The following GNA12 variants were observed in gnomAD, a reference collection of about 807,000 sequenced individuals.
GNA12 encodes the protein guanine nucleotide-binding protein subunit alpha-12.
In GNA12, 9 loss-of-function variants were observed where a neutral mutation model predicts 26.0. That is an observed-to-expected ratio of 0.35 (90% confidence interval 0.21 to 0.60). GNA12 has a LOEUF of 0.60. Among genes scored for constraint, GNA12 ranks in the 20% least tolerant of loss-of-function variants. GNA12 has a pLI of 0.78. For synonymous variants in GNA12, 264 were observed against 219.6 expected, an observed-to-expected ratio of 1.20 and a Z score of -1.79; for missense variants, 405 against 525.8, an observed-to-expected ratio of 0.77 and a Z score of 2.25.
intron 2 of GNA12, among the ~76,000 whole-genome samples, chr7:2,738,218 A>G (rs924928288): frequency 4.6e-5 from 7 of 152,046 alleles, no homozygotes; most frequent in African/African-American, 1.7e-4. Flanking sequence ...AGTTCGAGAC[A>G]AGCCTGGCCA....
chr7:2,831,270 T>C (rs1163945913), intron 1 of GNA12, among the ~76,000 whole-genome samples: 4 of 152,078 alleles, frequency 2.6e-5, no homozygotes, highest in Non-Finnish European at 5.9e-5. Context: ...CCAGGGAGTT[T>C]TGCCTCCTGG....
At chr7:2,795,230 C>T in intron 1 of GNA12, 87 bp from the exon 2 acceptor site, 1 of 981,306 alleles carries the variant, frequency 1.0e-6, no homozygotes, top group Non-Finnish European at 1.6e-6. Context: ...CATCCATTGT[C>T]ATAACGCAGA....
intron 2 of GNA12, among the ~76,000 whole-genome samples, chr7:2,738,147 G>A (rs993034990): frequency 6.6e-6 from 1 of 152,144 alleles, no homozygotes; most frequent in Non-Finnish European, 1.5e-5. Flanking sequence ...AGAGGACCAG[G>A]CGTGGTGGCT....
At chr7:2,758,592 T>C (rs1484344232) in intron 2 of GNA12, among the ~76,000 whole-genome samples, 1 of 152,086 alleles carries the variant, frequency 6.6e-6, no homozygotes, top group African/African-American at 2.4e-5. Flanking sequence ...GGGCCTGATC[T>C]AATCAGGGGA....
chr7:2,735,789 G>A (rs1007141680), intron 2 of GNA12, among the ~76,000 whole-genome samples: 2 of 152,154 alleles, frequency 1.3e-5, no homozygotes, highest in African/African-American at 4.8e-5. Flanking sequence ...TTCATGTCAG[G>A]GCGGCCTCAT....
rs111906080 is a variant in GNA12 at position 2,804,811 on chromosome 7, C to A, written c.310-9668G>T. 6.8e-3 allele frequency among the ~76,000 whole-genome samples: 1,039 copies of A among 151,930 alleles called. 12 individuals are homozygous for A. The highest frequency in any genetic ancestry group is 0.024 in the African/African-American group (975 of 41,410). On this transcript the variant is annotated intron_variant, in intron 1 of 3. Coordinates refer to ENST00000275364, the MANE Select transcript of GNA12 (RefSeq NM_007353.3). ...TGATGGCTTAAGCCTGTAATCCTAG[C>A]GCTTTGGGAAGCCGAGGCGGGAGGA...
intron 2 of GNA12, among the ~76,000 whole-genome samples, chr7:2,792,229 C>A (rs1792538549): frequency 6.6e-6 from 1 of 152,172 alleles, no homozygotes; most frequent in African/African-American, 2.4e-5. Context: ...TCCATGAATG[C>A]AGAATGAATG....
intron 2 of GNA12, among the ~76,000 whole-genome samples, chr7:2,794,479 A>C (rs1792600896): frequency 6.6e-6 from 1 of 152,212 alleles, no homozygotes; most frequent in African/African-American, 2.4e-5. Flanking sequence ...TTTAGACCTT[A>C]AAACGAAAGG....
chr7:2,739,844 G>T (rs1790409786), intron 2 of GNA12, among the ~76,000 whole-genome samples: 2 of 152,146 alleles, frequency 1.3e-5, no homozygotes, highest in Non-Finnish European at 2.9e-5. Flanking sequence ...GCTAATTTTT[G>T]TATTTTTAGT....
chr7:2,820,921 G>A (rs1793334965), intron 1 of GNA12, among the ~76,000 whole-genome samples: 1 of 152,176 alleles, frequency 6.6e-6, no homozygotes, highest in Non-Finnish European at 1.5e-5. Flanking sequence ...AAAAATTTCT[G>A]ATAGAGATGG....
At chr7:2,796,095 ACCTCAGCTGATCCGCCCG>A (rs146948049) in intron 1 of GNA12, among the ~76,000 whole-genome samples, 3,867 of 151,824 alleles carry the variant, frequency 0.025, 180 homozygotes, top group African/African-American at 0.089. Flanking sequence ...CGAACTCCTG[ACCTCAGCTGATCCGCCCG>A]CCTCAGCCTC....
chr7:2,816,038 G>A (rs1474997317), intron 1 of GNA12, among the ~76,000 whole-genome samples: 1 of 152,238 alleles, frequency 6.6e-6, no homozygotes, highest in Non-Finnish European at 1.5e-5. Context: ...ATCCCGGAGA[G>A]ACCCTGGCCG....
chr7:2,822,408 A>G (rs1253451242), intron 1 of GNA12, among the ~76,000 whole-genome samples: 2 of 152,214 alleles, frequency 1.3e-5, no homozygotes, highest in African/African-American at 4.8e-5. Flanking sequence ...AACCTCCCCA[A>G]TCTAAGACAT....
rs1046901949 is a variant in GNA12 at position 2,728,597 on chromosome 7, T to C, written c.*2584A>G. 4.6e-5 allele frequency: 7 copies of C among 152,618 alleles called. No homozygotes were observed. The highest frequency in any genetic ancestry group is 1.9e-4 in the East Asian group (1 of 5,340). The allele number at this position is 152,618 out of a possible 1,614,324, so 9.5% of individuals were successfully genotyped here. A position where few individuals can be genotyped will look rare whatever the true frequency, so the allele number is the denominator to read the frequency against. ...CTTTATTGTTACATTTTTGCAATAA[T>C]TGAGGCACAACTACCTCCTGCTTTT... On this transcript the variant is annotated 3_prime_UTR_variant, in exon 4 of 4. Transcript: ENST00000275364.
At chr7:2,804,071 G>A (rs781177776) in intron 1 of GNA12, among the ~76,000 whole-genome samples, 1 of 152,152 alleles carries the variant, frequency 6.6e-6, no homozygotes, top group Non-Finnish European at 1.5e-5. Context: ...ACTAGTACAA[G>A]GGGGAACGAA....
At chr7:2,792,145 G>C (rs964665427) in intron 2 of GNA12, among the ~76,000 whole-genome samples, 3 of 152,200 alleles carry the variant, frequency 2.0e-5, no homozygotes, top group South Asian at 4.1e-4. Context: ...TCACTCGCTG[G>C]AGACAGGCTC....
intron 2 of GNA12, among the ~76,000 whole-genome samples, chr7:2,779,187 C>T: frequency 6.6e-6 from 1 of 151,926 alleles, no homozygotes; most frequent in Non-Finnish European, 1.5e-5. Flanking sequence ...GGCTGTTTCT[C>T]TACAAAAAAT....
intron 2 of GNA12, among the ~76,000 whole-genome samples, chr7:2,743,340 A>G (rs1790602806): frequency 6.6e-6 from 1 of 152,242 alleles, no homozygotes; most frequent in African/African-American, 2.4e-5. Flanking sequence ...TAAGTCTTAA[A>G]ACGACATCCA....
Position 2,814,398 on chromosome 7 carries a change from C to G in GNA12, c.310-19255G>C. The G allele has an allele frequency of 3.9e-6, 6 of 1,527,054 alleles. No homozygotes were observed. The South Asian group carries it at 6.7e-5, about 17-fold the overall frequency. 94.6% of individuals were successfully genotyped at this position (1,527,054 alleles called of 1,614,324 possible). On this transcript the variant is annotated intron_variant, in intron 1 of 3. Transcript: ENST00000275364. The stretch of plus-strand genomic sequence containing the variant: ...GGTGTGCTTCCCGAACCCTGCAAGT[C>G]AACATTTAAGAATTCCTATAATCTG...
Sources: gnomAD v4.1 joint callset for allele counts (sites outside exome capture counted in the v4.1 genomes callset) on GRCh38, gnomAD v4.1.1 for gene constraint, MANE v1.5 for transcripts, NCBI Gene and HGNC (gene_info 2026-07-23, HGNC 2026-07-21) for gene names.